The following RYR2 variants were observed in gnomAD, a reference collection of about 807,000 sequenced individuals.
The protein encoded by RYR2 is cardiac muscle ryanodine receptor-calcium release channel.
Under a neutral mutation model 601.1 loss-of-function variants are expected in RYR2, and 227 were observed. That is an observed-to-expected ratio of 0.38 (90% CI 0.34 to 0.42). The LOEUF (loss-of-function observed/expected upper bound fraction) is 0.42, where lower values mean the gene tolerates loss of function less well. Among genes scored for constraint, RYR2 ranks in the 10% least tolerant of loss-of-function variants. The probability of loss-of-function intolerance (pLI) is 1.00; values close to 1 mark genes in which losing one functional copy is unlikely to be tolerated. For synonymous variants in RYR2, 2,223 were observed against 2,175.1 expected (o/e 1.02, Z -0.61); for missense variants, 4,646 against 6,156.5 (o/e 0.75, Z 8.21).
chr1:237,489,852 A>C (rs368325216), intron 17 of RYR2, among the ~76,000 whole-genome samples: 1 of 152,230 alleles, frequency 6.6e-6, no homozygotes, highest in Non-Finnish European at 1.5e-5. Context: ...TCGTGGCATC[A>C]CTATTCACAA....
chr1:237,524,726 A>G (rs1667403678), intron 24 of RYR2, among the ~76,000 whole-genome samples: 1 of 151,960 alleles, frequency 6.6e-6, no homozygotes, highest in Non-Finnish European at 1.5e-5. Flanking sequence ...ACATATATAT[A>G]TAGACATATA....
At chr1:237,565,403 C>T (rs1278962676) in intron 27 of RYR2, among the ~76,000 whole-genome samples, 1 of 151,934 alleles carries the variant, frequency 6.6e-6, no homozygotes, top group African/African-American at 2.4e-5. Flanking sequence ...GAAGCTTGGA[C>T]TTACAGGCAT....
At chr1:237,531,170 T>C (rs1668103729) in intron 25 of RYR2, among the ~76,000 whole-genome samples, 1 of 152,204 alleles carries the variant, frequency 6.6e-6, no homozygotes, top group Non-Finnish European at 1.5e-5. Flanking sequence ...TATTTACTTT[T>C]ACAATAAAAA....
chr1:237,426,158 A>G lies in RYR2; in HGVS notation c.1005+2910A>G, dbSNP rs149207162. Among the ~76,000 whole-genome samples the G allele has an allele frequency of 8.6e-3, 1,302 of 152,246 alleles. 28 individuals are homozygous for G. Among genetic ancestry groups the G allele is most frequent in the African/African-American group, 0.03 (1,249 of 41,544 alleles). On this transcript the variant is annotated intron_variant, in intron 12 of 104. Coordinates refer to ENST00000366574, the MANE Select transcript of RYR2 (RefSeq NM_001035.3). The stretch of plus-strand genomic sequence containing the variant: ...ACAGTATCCTGAATGAACATTCCCA[A>G]TGCCTTTCTCTTTCAACTCCTGTTC...
At chr1:237,645,671 C>T (rs1226330520) in intron 48 of RYR2, among the ~76,000 whole-genome samples, 1 of 152,120 alleles carries the variant, frequency 6.6e-6, no homozygotes, top group Non-Finnish European at 1.5e-5. Context: ...CTTTAGCAGC[C>T]TTCAAGAGTT....
intron 1 of RYR2, among the ~76,000 whole-genome samples, chr1:237,153,768 A>AT (rs1674997080): frequency 6.6e-6 from 1 of 152,074 alleles, no homozygotes; most frequent in African/African-American, 2.4e-5. Context: ...ATTGTTACAT[A>AT]TTTTTCATTT....
rs373602064 is a variant in RYR2 at position 237,649,988 on chromosome 1, G to A, written c.7624G>A (p.Ala2542Thr). Residue 2542 changes from alanine to threonine, a missense_variant, in exon 50 of 105, where the codon GCT becomes ACT. Physicochemically the swap from Ala to Thr is moderately conservative, Grantham distance 58 (BLOSUM62 0). Transcript: ENST00000366574. ...APLFAGTEHH[A>T]SLIDSLLHTV... ...TCTCTTTGCTGGCACAGAGCACCAC[G>A]CTTCTCTCATTGACTCATTACTTCA... is the stretch of plus-strand genomic sequence containing the variant. The A allele has an allele frequency of 2.0e-5, 32 of 1,613,968 alleles. No individual in the cohort carries two copies. In the South Asian group the frequency reaches 2.4e-4, roughly 12 times the overall value.
At chr1:237,715,729 C>A (rs745825654) in intron 71 of RYR2, among the ~76,000 whole-genome samples, 4 of 152,140 alleles carry the variant, frequency 2.6e-5, no homozygotes, top group Non-Finnish European at 4.4e-5. Flanking sequence ...CAAACCAATA[C>A]AATTTAGACT....
intron 64 of RYR2, among the ~76,000 whole-genome samples, chr1:237,699,329 C>T (rs1280127953): frequency 6.6e-6 from 1 of 152,108 alleles, no homozygotes; most frequent in Non-Finnish European, 1.5e-5. Flanking sequence ...ATCTTGTTAG[C>T]TTCCAGGCGT....
chr1:237,622,782 G>C (rs1032526912), intron 38 of RYR2, among the ~76,000 whole-genome samples: 1 of 152,116 alleles, frequency 6.6e-6, no homozygotes, highest in Non-Finnish European at 1.5e-5. Flanking sequence ...ATATACATAG[G>C]TTATATGCAA....
chr1:237,255,707 C>A (rs988741718), intron 1 of RYR2, among the ~76,000 whole-genome samples: 4 of 152,046 alleles, frequency 2.6e-5, no homozygotes, highest in African/African-American at 9.7e-5. Flanking sequence ...ATGGATTTTC[C>A]ATGTGATCAT....
At chr1:237,059,258 G>A (rs772435762) in intron 1 of RYR2, among the ~76,000 whole-genome samples, 1 of 152,080 alleles carries the variant, frequency 6.6e-6, no homozygotes, top group Non-Finnish European at 1.5e-5. Flanking sequence ...TTAAAATCTC[G>A]GGGTTAATAA....
intron 1 of RYR2, among the ~76,000 whole-genome samples, chr1:237,105,841 A>G (rs975999430): frequency 1.3e-5 from 2 of 151,684 alleles, no homozygotes; most frequent in African/African-American, 4.8e-5. Flanking sequence ...TCTCAAAAAA[A>G]AAAAAAAAAA....
At chr1:237,803,316 T>G (rs1660194031) in intron 98 of RYR2, among the ~76,000 whole-genome samples, 1 of 151,860 alleles carries the variant, frequency 6.6e-6, no homozygotes, top group South Asian at 2.1e-4. Context: ...TTTTTCTTTT[T>G]TTTTTGAGAC....
chr1:237,687,140 G>A (rs1686465128), intron 62 of RYR2, among the ~76,000 whole-genome samples: 1 of 151,826 alleles, frequency 6.6e-6, no homozygotes, highest in African/African-American at 2.4e-5. Context: ...TATCCTTATG[G>A]GGTTCATATA....
intron 80 of RYR2, among the ~76,000 whole-genome samples, chr1:237,745,040 A>G (rs1244354814): frequency 6.6e-6 from 1 of 151,890 alleles, no homozygotes; most frequent in Non-Finnish European, 1.5e-5. Context: ...TGACCTCATG[A>G]TCCACCCATC....
At chr1:237,803,728 T>C (rs959679278) in intron 98 of RYR2, among the ~76,000 whole-genome samples, 6 of 152,206 alleles carry the variant, frequency 3.9e-5, no homozygotes, top group Non-Finnish European at 7.3e-5. Context: ...TTTAGTATTT[T>C]TGTTCTTCTT....
chr1:237,112,781 T>C (rs1403137786), intron 1 of RYR2, among the ~76,000 whole-genome samples: 1 of 152,184 alleles, frequency 6.6e-6, no homozygotes, highest in Non-Finnish European at 1.5e-5. Flanking sequence ...GGATCATGAT[T>C]CTTCCTGACT....
intron 66 of RYR2, among the ~76,000 whole-genome samples, chr1:237,704,000 A>T (rs1688167511): frequency 6.6e-6 from 1 of 152,132 alleles, no homozygotes; most frequent in Non-Finnish European, 1.5e-5. Context: ...TATAGTGGCA[A>T]GGTATAGTTT....
Sources: gnomAD v4.1 joint callset for allele counts (sites outside exome capture counted in the v4.1 genomes callset) on GRCh38, gnomAD v4.1.1 for gene constraint, MANE v1.5 for transcripts, NCBI Gene and HGNC (gene_info 2026-07-23, HGNC 2026-07-21) for gene names.